The following TTLL11 variants were observed in gnomAD, a reference collection of about 807,000 sequenced individuals.
The protein encoded by TTLL11 is tubulin tyrosine ligase like 11, also known as tubulin polyglutamylase TTLL11.
TTLL11 carries 42 observed loss-of-function variants against 51.7 expected under a neutral mutation model. The ratio of observed to expected loss-of-function variants is 0.81; its 90% CI spans 0.64 to 1.05. The LOEUF is 1.05. TTLL11 is among the 50% of genes least tolerant of loss of function. TTLL11 has a pLI of 0.00. For synonymous variants in TTLL11, 381 were observed against 383.5 expected, an observed-to-expected ratio of 0.99 and a Z score of 0.08; for missense variants, 799 against 940.4, an observed-to-expected ratio of 0.85 and a Z score of 1.97.
chr9:122,069,102 C>T (rs996457655), intron 1 of TTLL11, among the ~76,000 whole-genome samples: 7 of 152,202 alleles, frequency 4.6e-5, no homozygotes, highest in African/African-American at 1.7e-4. Context: ...TTATCCTACT[C>T]AAGTGAATAC....
chr9:121,886,706 C>G (rs1240800767), intron 6 of TTLL11, among the ~76,000 whole-genome samples: 1 of 152,178 alleles, frequency 6.6e-6, no homozygotes, highest in Non-Finnish European at 1.5e-5. Context: ...TTATGTCCAA[C>G]CTAGGTACCC....
intron 6 of TTLL11, among the ~76,000 whole-genome samples, chr9:121,927,579 G>T (rs189829209): frequency 6.3e-4 from 96 of 151,544 alleles, no homozygotes; most frequent in African/African-American, 1.9e-3. Context: ...TATGTAAACT[G>T]CTCATTTTGA....
intron 6 of TTLL11, among the ~76,000 whole-genome samples, chr9:121,936,033 C>T (rs144206826): frequency 1.1e-4 from 17 of 152,222 alleles, no homozygotes; most frequent in African/African-American, 2.6e-4. Context: ...GAGCTATTAA[C>T]GACTGCCAAA....
chr9:122,055,315 C>A (rs186144367), intron 1 of TTLL11, among the ~76,000 whole-genome samples: 3 of 152,240 alleles, frequency 2.0e-5, no homozygotes, highest in South Asian at 2.1e-4. Flanking sequence ...AGCTGAGGAG[C>A]AAGGAAGCCA....
chr9:121,823,777 G>T lies in TTLL11; in HGVS notation c.1841-898C>A, dbSNP rs146527004. On this transcript the variant is annotated intron_variant, in intron 8 of 8. Coordinates refer to ENST00000321582, the MANE Select transcript of TTLL11 (RefSeq NM_001139442.2). Reference sequence around the variant, plus strand: ...AAATAAACCCAACTGTCATTTCTCTGGCCCAAACCATATTCTGGAAAGAAT... The same window carrying T: ...AAATAAACCCAACTGTCATTTCTCTTGCCCAAACCATATTCTGGAAAGAAT... Among the ~76,000 whole-genome samples the T allele has an allele frequency of 2.2e-3, 338 of 152,190 alleles. 1 individual carries two copies. The highest frequency in any genetic ancestry group is 7.7e-3 in the African/African-American group (320 of 41,522).
chr9:121,973,609 G>A (rs1842627565), intron 6 of TTLL11, among the ~76,000 whole-genome samples: 1 of 149,754 alleles, frequency 6.7e-6, no homozygotes, highest in South Asian at 2.1e-4. Flanking sequence ...CAGGGGAGGG[G>A]GGAAGGACAG....
intron 1 of TTLL11, among the ~76,000 whole-genome samples, chr9:122,046,806 G>A (rs1292055989): frequency 6.6e-6 from 1 of 152,186 alleles, no homozygotes; most frequent in Non-Finnish European, 1.5e-5. Context: ...AACGTGGCAA[G>A]ATAGCGAGGA....
At chr9:121,977,857 T>C (rs1014442262) in intron 4 of TTLL11, among the ~76,000 whole-genome samples, 1 of 152,008 alleles carries the variant, frequency 6.6e-6, no homozygotes, top group African/African-American at 2.4e-5. Context: ...GTATTTTTAG[T>C]AGAGACGGGG....
chr9:121,868,906 A>C (rs2131394076), intron 7 of TTLL11, among the ~76,000 whole-genome samples: 1 of 152,352 alleles, frequency 6.6e-6, no homozygotes, highest in South Asian at 2.1e-4. Flanking sequence ...AGCTCCCATG[A>C]ACTAGGCATC....
intron 8 of TTLL11, among the ~76,000 whole-genome samples, chr9:121,824,201 G>A (rs1455823614): frequency 1.3e-5 from 2 of 152,144 alleles, no homozygotes; most frequent in Non-Finnish European, 2.9e-5. Flanking sequence ...TGATGGCAGG[G>A]TGCGGTGGCT....
At chr9:121,884,263 A>G (rs548157427) in intron 6 of TTLL11, among the ~76,000 whole-genome samples, 16 of 152,272 alleles carry the variant, frequency 1.1e-4, no homozygotes, top group African/African-American at 3.9e-4. Context: ...CACCCATTCA[A>G]ATCAATTATT....
chr9:122,040,112 A>G (rs1411923528), intron 1 of TTLL11, among the ~76,000 whole-genome samples: 3 of 152,188 alleles, frequency 2.0e-5, no homozygotes, highest in Admixed American at 6.5e-5. Flanking sequence ...GGCAGGGATA[A>G]AAAGCCAGGG....
chr9:122,021,811 A>G (rs186437033), intron 3 of TTLL11, among the ~76,000 whole-genome samples: 16 of 152,350 alleles, frequency 1.1e-4, no homozygotes, highest in Admixed American at 9.8e-4. Context: ...CCAGACATGA[A>G]AAAAACATCG....
chr9:121,826,329 G>T (rs1588050310), intron 8 of TTLL11, among the ~76,000 whole-genome samples: 2 of 59,568 alleles, frequency 3.4e-5, no homozygotes, highest in African/African-American at 1.0e-4. Flanking sequence ...TATATATATG[G>T]GTTTATATAT....
intron 6 of TTLL11, among the ~76,000 whole-genome samples, chr9:121,969,755 T>C (rs1394385329): frequency 6.6e-6 from 1 of 152,212 alleles, no homozygotes; most frequent in African/African-American, 2.4e-5. Flanking sequence ...ACTTCTAGCC[T>C]GGAAGTCTAC....
chr9:121,929,338 G>A (rs1181923502), intron 6 of TTLL11, among the ~76,000 whole-genome samples: 1 of 151,968 alleles, frequency 6.6e-6, no homozygotes, highest in Non-Finnish European at 1.5e-5. Context: ...TACTCAGGAG[G>A]CTGAGGCAGG....
intron 1 of TTLL11, among the ~76,000 whole-genome samples, chr9:122,089,166 C>G (rs1461566567): frequency 6.6e-6 from 1 of 152,096 alleles, no homozygotes; most frequent in Non-Finnish European, 1.5e-5. Flanking sequence ...AAAGGAGACA[C>G]AGCTCTCACT....
At chr9:121,994,619 G>T (rs935113900) in intron 3 of TTLL11, among the ~76,000 whole-genome samples, 1 of 152,202 alleles carries the variant, frequency 6.6e-6, no homozygotes, top group Non-Finnish European at 1.5e-5. Context: ...AATGAGAGAT[G>T]TATGAGAAGG....
chr9:121,855,316 ACAAT>A (rs553370528), intron 8 of TTLL11, among the ~76,000 whole-genome samples: 1 of 152,248 alleles, frequency 6.6e-6, no homozygotes, highest in Non-Finnish European at 1.5e-5. Flanking sequence ...CACAAAACAA[ACAAT>A]CAAAAGCAAA....
Sources: gnomAD v4.1 joint callset for allele counts (sites outside exome capture counted in the v4.1 genomes callset) on GRCh38, gnomAD v4.1.1 for gene constraint, MANE v1.5 for transcripts, NCBI Gene and HGNC (gene_info 2026-07-23, HGNC 2026-07-21) for gene names.